The following UBE2E3 variants were observed in gnomAD, a reference collection of about 807,000 sequenced individuals.
UBE2E3 encodes ubiquitin conjugating enzyme E2 E3.
Under a neutral mutation model 23.6 loss-of-function variants are expected in UBE2E3, and 5 were observed. The ratio of observed to expected loss-of-function variants is 0.21; its 90% CI spans 0.11 to 0.44. The LOEUF (loss-of-function observed/expected upper bound fraction) is 0.44, where lower values mean the gene tolerates loss of function less well. Ranked by LOEUF, UBE2E3 falls within the 20% of genes least tolerant of loss-of-function variation. The pLI, the probability that UBE2E3 is intolerant of heterozygous loss-of-function variation, is 0.99. For missense variants in UBE2E3, 81 were observed against 249.8 expected, an observed-to-expected ratio of 0.32 and a Z score of 4.55; for synonymous variants, 78 against 87.5, an observed-to-expected ratio of 0.89 and a Z score of 0.60.
chr2:180,993,583 T>G (rs556985458), intron 3 of UBE2E3, among the ~76,000 whole-genome samples: 158 of 152,356 alleles, frequency 1.0e-3, no homozygotes, highest in Non-Finnish European at 2.0e-3. Flanking sequence ...TAAATCATCA[T>G]CATGATCCCC....
chr2:180,990,611 G>A (rs1458378372), intron 3 of UBE2E3, among the ~76,000 whole-genome samples: 1 of 152,092 alleles, frequency 6.6e-6, no homozygotes, highest in African/African-American at 2.4e-5. Flanking sequence ...GCTAAATTAT[G>A]GTCTTCTGAG....
intron 5 of UBE2E3, among the ~76,000 whole-genome samples, chr2:181,062,469 C>T (rs1470508090): frequency 6.6e-6 from 1 of 151,314 alleles, no homozygotes; most frequent in East Asian, 1.9e-4. Context: ...AATATAACCA[C>T]CTAGTATACT....
chr2:181,011,743 T>C (rs998236412), intron 3 of UBE2E3, among the ~76,000 whole-genome samples: 3 of 152,176 alleles, frequency 2.0e-5, no homozygotes, highest in African/African-American at 4.8e-5. Flanking sequence ...AGTAGTGTTA[T>C]AGAAATTGGA....
intron 3 of UBE2E3, among the ~76,000 whole-genome samples, chr2:181,049,131 G>A (rs569978973): frequency 3.9e-5 from 6 of 152,184 alleles, no homozygotes; most frequent in African/African-American, 1.4e-4. Flanking sequence ...GTCACCATTA[G>A]CAGAGAAGTC....
intron 3 of UBE2E3, among the ~76,000 whole-genome samples, chr2:180,991,240 G>A (rs1397981937): frequency 6.6e-6 from 1 of 151,956 alleles, no homozygotes; most frequent in Non-Finnish European, 1.5e-5. Flanking sequence ...TATCTGTGGG[G>A]AATACATTTC....
At chr2:181,029,596 G>A (rs1686007345) in intron 3 of UBE2E3, among the ~76,000 whole-genome samples, 1 of 140,066 alleles carries the variant, frequency 7.1e-6, no homozygotes, top group South Asian at 2.2e-4. Flanking sequence ...TTGTATAAAT[G>A]TTCTTTTTAA....
chr2:180,987,933 A>G (rs532387299), intron 3 of UBE2E3, among the ~76,000 whole-genome samples: 7 of 152,270 alleles, frequency 4.6e-5, no homozygotes, highest in Admixed American at 4.6e-4. Context: ...ATTCCTGGTG[A>G]ATTGTATATA....
At chr2:181,040,385 A>G (rs1220106623) in intron 3 of UBE2E3, among the ~76,000 whole-genome samples, 1 of 152,212 alleles carries the variant, frequency 6.6e-6, no homozygotes, top group Non-Finnish European at 1.5e-5. Context: ...TCCCTACTAC[A>G]GTGCCTGGCT....
intron 3 of UBE2E3, chr2:180,987,509 G>T: frequency 2.5e-6 from 3 of 1,210,842 alleles, no homozygotes; most frequent in Non-Finnish European, 3.4e-6. Flanking sequence ...GAGATATTTG[G>T]GGGTATTTGT....
chr2:181,027,453 T>A (rs1363569194), intron 3 of UBE2E3, among the ~76,000 whole-genome samples: 3 of 151,970 alleles, frequency 2.0e-5, no homozygotes, highest in Non-Finnish European at 2.9e-5. Flanking sequence ...ATTTGACCCA[T>A]TAAATAAAAA....
intron 3 of UBE2E3, among the ~76,000 whole-genome samples, chr2:181,009,839 G>A (rs2105605807): frequency 6.6e-6 from 1 of 152,136 alleles, no homozygotes; most frequent in South Asian, 2.1e-4. Context: ...TTAATAAAGT[G>A]CACTGGCACT....
intron 3 of UBE2E3, among the ~76,000 whole-genome samples, chr2:181,037,976 A>AAAT (rs1686353095): frequency 6.6e-6 from 1 of 152,222 alleles, no homozygotes; most frequent in South Asian, 2.1e-4. Context: ...TCTAAGCACA[A>AAAT]AATAAAAGTT....
intron 3 of UBE2E3, among the ~76,000 whole-genome samples, chr2:181,036,554 G>A (rs1686291880): frequency 6.6e-6 from 1 of 152,108 alleles, no homozygotes; most frequent in South Asian, 2.1e-4. Flanking sequence ...GTGAATTGGT[G>A]TGCCTAAATT....
chr2:181,038,011 A>T (rs1264546836), intron 3 of UBE2E3, among the ~76,000 whole-genome samples: 2 of 152,174 alleles, frequency 1.3e-5, no homozygotes, highest in African/African-American at 4.8e-5. Flanking sequence ...TTAATTTATT[A>T]TTGTGGAAGA....
At chr2:181,008,007 C>G (rs890421894) in intron 3 of UBE2E3, among the ~76,000 whole-genome samples, 2 of 152,158 alleles carry the variant, frequency 1.3e-5, no homozygotes, top group African/African-American at 4.8e-5. Flanking sequence ...CAAACAAATA[C>G]AGTACTTTGT....
At chr2:181,061,701 A>G (rs1479880778) in intron 5 of UBE2E3, among the ~76,000 whole-genome samples, 2 of 151,602 alleles carry the variant, frequency 1.3e-5, no homozygotes, top group African/African-American at 4.8e-5. Context: ...TGTGAACTTC[A>G]GAAACTTGGG....
At chr2:181,000,256 TTAAG>T (rs1369669002) in intron 3 of UBE2E3, among the ~76,000 whole-genome samples, 1 of 152,220 alleles carries the variant, frequency 6.6e-6, no homozygotes, top group African/African-American at 2.4e-5. Flanking sequence ...GTTAAGATTA[TTAAG>T]TGACATTGGG....
chr2:180,989,113 G>C (rs1684574948), intron 3 of UBE2E3, among the ~76,000 whole-genome samples: 1 of 151,928 alleles, frequency 6.6e-6, no homozygotes, highest in African/African-American at 2.4e-5. Flanking sequence ...AAATCATGAG[G>C]GTTTTTCTGG....
chr2:180,987,482 A>T (rs76726450), intron 3 of UBE2E3: 21,965 of 1,433,752 alleles, frequency 0.015, 266 homozygotes, highest in Middle Eastern at 0.042. Flanking sequence ...GTGTATGTTC[A>T]GATTGAATCT....
Sources: gnomAD v4.1 joint callset for allele counts (sites outside exome capture counted in the v4.1 genomes callset) on GRCh38, gnomAD v4.1.1 for gene constraint, MANE v1.5 for transcripts, NCBI Gene and HGNC (gene_info 2026-07-23, HGNC 2026-07-21) for gene names.